Variants in SRCIN1 observed in about 807,000 individuals in gnomAD.
SRCIN1 encodes SRC kinase signaling inhibitor 1, also known as P130Cas-associated protein.
SRCIN1 carries 50 observed loss-of-function variants against 116.2 expected under a neutral mutation model. That is an observed-to-expected ratio of 0.43 (90% CI 0.34 to 0.54). The LOEUF (loss-of-function observed/expected upper bound fraction) is 0.54, where lower values mean the gene tolerates loss of function less well. SRCIN1 is among the 20% of genes least tolerant of loss of function. The pLI, the probability that SRCIN1 is intolerant of heterozygous loss-of-function variation, is 0.02. For synonymous variants in SRCIN1, 736 were observed against 750.0 expected, an observed-to-expected ratio of 0.98 and a Z score of 0.30; for missense variants, 1,446 against 1,672.0, an observed-to-expected ratio of 0.86 and a Z score of 2.36.
chr17:38,578,806 A>AGGGGCACGGCT lies in SRCIN1; in HGVS notation c.23-26_23-16dup, dbSNP rs1280045271. The AGGGGCACGGCT allele has an allele frequency of 1.4e-5, 20 of 1,477,412 alleles. No homozygotes were observed. Among genetic ancestry groups the AGGGGCACGGCT allele is most frequent in the African/African-American group, 2.8e-5 (2 of 71,234 alleles). 91.5% of individuals were successfully genotyped at this position (1,477,412 alleles called of 1,614,324 possible). A position where few individuals can be genotyped will look rare whatever the true frequency, so the allele number is the denominator to read the frequency against. ...CCGCTCCGGATCTGCGAGAGGTGAG[A>AGGGGCACGGCT]GGGGCACGGCTGGGTCACGGCGCGC... is the stretch of plus-strand genomic sequence containing the variant. On this transcript the variant is annotated splice_polypyrimidine_tract_variant and intron_variant, in intron 1 of 18. Coordinates refer to ENST00000617146, the MANE Select transcript of SRCIN1 (RefSeq NM_025248.3).
intron 17 of SRCIN1, 57 bp downstream of exon 17, chr17:38,548,500 C>A (rs1305485284): frequency 4.4e-6 from 7 of 1,595,982 alleles, no homozygotes; most frequent in African/African-American, 2.7e-5. Flanking sequence ...TGGGGGGCAG[C>A]CTGGGAGGGA....
intron 1 of SRCIN1, among the ~76,000 whole-genome samples, 175 bp downstream of exon 1, chr17:38,605,509 C>T (rs1258115068): frequency 2.0e-5 from 3 of 150,628 alleles, no homozygotes; most frequent in Non-Finnish European, 4.4e-5. Flanking sequence ...CGGCGCACAG[C>T]GGTCCCCTGC....
chr17:38,584,282 A>C lies in SRCIN1; in HGVS notation c.23-5491T>G, dbSNP rs925548408. Among the ~76,000 whole-genome samples the C allele has an allele frequency of 4.6e-5, 7 of 152,208 alleles. No homozygotes were observed. In the East Asian group the frequency reaches 1.2e-3, roughly 25 times the overall value. On this transcript the variant is annotated intron_variant, in intron 1 of 18. Coordinates refer to ENST00000617146, the MANE Select transcript of SRCIN1 (RefSeq NM_025248.3). ...GGATGGGGTTGGGGAAACCAGAGAC[A>C]TAAGGGAGGGGGCTCAGGGCTTCTC...
In SRCIN1 at chr17:38,548,918, C is replaced by T. The variant is rs887679445; in HGVS notation, c.3117+138G>A. 14 of 1,239,214 alleles carry T rather than the reference C, an allele frequency of 1.1e-5. No individual in the cohort carries two copies. The East Asian group carries it at 2.1e-4, about 19-fold the overall frequency. The allele number at this position is 1,239,214 out of a possible 1,614,324, so 76.8% of individuals were successfully genotyped here. A position where few individuals can be genotyped will look rare whatever the true frequency, so the allele number is the denominator to read the frequency against. Reference sequence around the variant, plus strand: ...GAATCCCAAACTAGCAGGACAAAGTCGCCACCGGCCACTCCCTCTTTCCTT... The same window carrying T: ...GAATCCCAAACTAGCAGGACAAAGTTGCCACCGGCCACTCCCTCTTTCCTT... On this transcript the variant is annotated intron_variant, in intron 16 of 18. Coordinates refer to ENST00000617146, the MANE Select transcript of SRCIN1 (RefSeq NM_025248.3).
rs762264530 is a variant in SRCIN1, at chr17:38,564,153, G to C, written c.506C>G (p.Ser169Cys). ...CAGCTTGGTCTGGCTGGCCGAGCGG[G>C]AGAGAGGCAGGCTCTGTCGGAAGCG... ...MNRFRQSLPL[S>C]RSASQTKLRS... The change falls in exon 4 of 19, where the codon TCC becomes TGC. Residue 169 changes from serine to cysteine, a missense_variant. Physicochemically the swap from Ser to Cys is moderately radical, Grantham distance 112. Around this residue, in one of 5 missense-constraint regions of SRCIN1, gnomAD observed 246 missense variants for 265.1 expected, o/e 0.93. Transcript: ENST00000617146. 2 of 1,599,926 alleles carry C rather than the reference G, an allele frequency of 1.3e-6. No individual in the cohort carries two copies. Among genetic ancestry groups the C allele is most frequent in the Non-Finnish European group, 1.7e-6 (2 of 1,174,006 alleles).
chr17:38,568,636 A>G lies in SRCIN1; in HGVS notation c.325-405T>C, dbSNP rs1906871927. Among the ~76,000 whole-genome samples the G allele has an allele frequency of 6.6e-6, 1 of 152,012 alleles. No homozygotes were observed. Among genetic ancestry groups the G allele is most frequent in the Non-Finnish European group, 1.5e-5 (1 of 68,006 alleles). On this transcript the variant is annotated intron_variant, in intron 2 of 18. Coordinates refer to ENST00000617146, the MANE Select transcript of SRCIN1 (RefSeq NM_025248.3). This position sits in a 1 kb window ranked among gnomAD's most constrained non-coding sequence, Gnocchi z 4.5. ...GGTCTGGAAAAACGAGCAGCTGGAG[A>G]CTGGAAGGAGAGGCCTGCTGGGCAG...
chr17:38,563,334 C>A lies in SRCIN1; in HGVS notation c.729G>T (p.Leu243=). The A allele has an allele frequency of 6.4e-7, 1 of 1,573,088 alleles. No individual in the cohort carries two copies. ...KDEARNVFYE[L]EDVRDIQDRS... ...CGGTCCACGCCCACCGGACGTCCTC[C>A]AGCTCGTAGAAGACGTTGCGAGCCT... Residue 243 remains leucine, a synonymous_variant, in exon 5 of 19, where the codon CTG becomes CTT. Transcript: ENST00000617146. This position sits in a 1 kb window ranked among gnomAD's most constrained non-coding sequence, Gnocchi z 5.8.
rs1275389938 is a variant in SRCIN1 at position 38,578,841 on chromosome 17, G to A, written c.23-50C>T. ...CTGGGTCACGGCGCGCCCGGCCTGGGGCTGCCCATCCCCCAAGGGGGTCCC... is the reference window on the plus strand; with the variant it reads ...CTGGGTCACGGCGCGCCCGGCCTGGAGCTGCCCATCCCCCAAGGGGGTCCC... On this transcript the variant is annotated intron_variant, in intron 1 of 18. Transcript: ENST00000617146. The A allele has an allele frequency of 1.4e-5, 20 of 1,446,042 alleles. 1 individual carries two copies. The highest frequency in any genetic ancestry group is 2.5e-4 in the Middle Eastern group (1 of 3,982). The allele number at this position is 1,446,042 out of a possible 1,614,324, so 89.6% of individuals were successfully genotyped here. A position where few individuals can be genotyped will look rare whatever the true frequency, so the allele number is the denominator to read the frequency against.
chr17:38,549,085 T>G lies in SRCIN1; in HGVS notation c.3088A>C (p.Thr1030Pro), dbSNP rs1410766049. The change falls in exon 16 of 19, where the codon ACC (threonine) becomes CCC (proline). Residue 1030 changes from threonine to proline, a missense_variant. Transcript: ENST00000617146. ...ATGAAGGCCGAGTCCTTCTTGCTGG[T>G]GACCACCACCTCTCCGGTACGTGTG... ...TTTRTGEVVV[T>P]SKKDSAFIKK... 6.2e-7 allele frequency: 1 copy of G among 1,612,770 alleles called. No homozygotes were observed. Among genetic ancestry groups the G allele is most frequent in the East Asian group, 2.2e-5 (1 of 44,830 alleles).
chr17:38,577,989 A>T (rs1039840283), intron 2 of SRCIN1, among the ~76,000 whole-genome samples: 2 of 152,124 alleles, frequency 1.3e-5, no homozygotes, highest in African/African-American at 4.8e-5. Flanking sequence ...TCTGGGCTCC[A>T]TTCTTGCAGG....
intron 1 of SRCIN1, among the ~76,000 whole-genome samples, chr17:38,580,046 T>C (rs564928302): frequency 6.6e-6 from 1 of 152,048 alleles, no homozygotes; most frequent in Non-Finnish European, 1.5e-5. Context: ...AGCAGACACA[T>C]GCACTCCCGC....
chr17:38,571,422 T>TA (rs1907068817), intron 2 of SRCIN1, among the ~76,000 whole-genome samples: 1 of 152,126 alleles, frequency 6.6e-6, no homozygotes, highest in Non-Finnish European at 1.5e-5. Context: ...ACTCCCTCCA[T>TA]CTCCTGGCAC....
In SRCIN1 at chr17:38,561,555, G is replaced by A; in HGVS notation, c.1608C>T (p.Ala536=). The change falls in exon 7 of 19, where the codon GCC becomes GCT. Residue 536 remains alanine, a synonymous_variant. Transcript: ENST00000617146. The part of the protein sequence containing the change: ...KTRSAGSAST[A]GAPPSELFPG... ...GGAAGAGCTCCGAAGGGGGAGCTCC[G>A]GCCGTCGAGGCGCTCCCCGCGCTGC... 1 of 1,600,808 alleles carries A rather than the reference G, an allele frequency of 6.2e-7. No individual in the cohort carries two copies. The highest frequency in any genetic ancestry group is 1.1e-5 in the South Asian group (1 of 90,402).
intron 18 of SRCIN1, among the ~76,000 whole-genome samples, chr17:38,538,428 A>AT (rs1325272745): frequency 3.0e-4 from 45 of 148,352 alleles, no homozygotes; most frequent in African/African-American, 1.1e-3. Flanking sequence ...AAAAAAAAAA[A>AT]AAAAATAATA....
intron 11 of SRCIN1, among the ~76,000 whole-genome samples, chr17:38,556,191 A>G (rs560765496): frequency 1.1e-3 from 169 of 152,364 alleles, no homozygotes; most frequent in African/African-American, 3.1e-3. Context: ...ATGCAAAATG[A>G]AAATGTTACC....
intron 3 of SRCIN1, among the ~76,000 whole-genome samples, chr17:38,565,394 A>C (rs926860115): frequency 6.6e-6 from 1 of 152,230 alleles, no homozygotes; most frequent in Non-Finnish European, 1.5e-5. Context: ...AGAAATAATC[A>C]TGTTGCCCAA....
rs765738093 is a variant in SRCIN1 at position 38,564,125 on chromosome 17, G to C, written c.534C>G (p.Arg178=). ...GGACTGGGCGGGCAGTACCTGGGGA[G>C]CGCAGCTTGGTCTGGCTGGCCGAGC... ...LSRSASQTKL[R]SPGVLFLQFG... The change falls in exon 4 of 19, where the codon CGC becomes CGG. Residue 178 remains arginine (R), a synonymous_variant. Transcript: ENST00000617146. The C allele has an allele frequency of 1.9e-6, 3 of 1,598,130 alleles. No individual in the cohort carries two copies. In the South Asian group the frequency reaches 3.4e-5, roughly 18 times the overall value.
intron 1 of SRCIN1, among the ~76,000 whole-genome samples, chr17:38,591,398 C>T (rs1205459129): frequency 6.6e-6 from 1 of 152,180 alleles, no homozygotes; most frequent in Admixed American, 6.5e-5. Context: ...CCTGTGTGGC[C>T]CAGCCCCCCA....
At position 38,556,490 on chromosome 17, in the gene SRCIN1, A is replaced by G. The variant is rs1433053718; in HGVS notation, c.2201+1737T>C. ...TTTAACTTCCAGCAAGTTGCCAGGA[A>G]AGAGGAAGTGGTATAGCAAATTGGA... On this transcript the variant is annotated intron_variant, in intron 11 of 18. Transcript: ENST00000617146. Among the ~76,000 whole-genome samples the G allele has an allele frequency of 2.0e-5, 3 of 152,274 alleles. 1 individual carries two copies. Among genetic ancestry groups the G allele is most frequent in the Non-Finnish European group, 4.4e-5 (3 of 68,046 alleles).
Sources: gnomAD v4.1 joint callset for allele counts (sites outside exome capture counted in the v4.1 genomes callset) on GRCh38, gnomAD v4.1.1 for gene constraint, gnomAD v4.1.1 regional missense constraint, Gnocchi (gnomAD v3.1) non-coding constraint, MANE v1.5 for transcripts, NCBI Gene and HGNC (gene_info 2026-07-23, HGNC 2026-07-21) for gene names.